MPRIP: variants seen among roughly 807,000 people sequenced by gnomAD.
MPRIP encodes myosin phosphatase Rho-interacting protein.
A neutral mutation model predicts 234.9 loss-of-function variants in MPRIP; 59 were observed. The observed-to-expected ratio is 0.25, with a 90% confidence interval of 0.20 to 0.31. The LOEUF (loss-of-function observed/expected upper bound fraction) is 0.31, where lower values mean the gene tolerates loss of function less well. Among genes scored for constraint, MPRIP ranks in the 10% least tolerant of loss-of-function variants. The pLI, the probability that MPRIP is intolerant of heterozygous loss-of-function variation, is 1.00. For missense variants in MPRIP, 2,436 were observed against 3,071.0 expected, an observed-to-expected ratio of 0.79 and a Z score of 4.89; for synonymous variants, 1,144 against 1,263.9, an observed-to-expected ratio of 0.91 and a Z score of 2.01.
At chr17:17,130,457 C>T (rs1219167334) in intron 4 of MPRIP, among the ~76,000 whole-genome samples, 2 of 151,174 alleles carry the variant, frequency 1.3e-5, no homozygotes, top group African/African-American at 4.9e-5. Flanking sequence ...CCTCTCCTCT[C>T]CACCTCAAAT....
At position 17,164,200 on chromosome 17, in the gene MPRIP, G is replaced by T. The variant is rs963440776; in HGVS notation, c.2609G>T (p.Arg870Leu). ...LQSELEAQCQ[R>L]QELITHQIQT... Reference sequence around the variant, plus strand: ...AGTGAGCTTGAAGCCCAGTGCCAGCGCCAGGAGCTGATTACACACCAGATT... The same window carrying T: ...AGTGAGCTTGAAGCCCAGTGCCAGCTCCAGGAGCTGATTACACACCAGATT... The change falls in exon 16 of 24, where the codon CGC becomes CTC. Residue 870 changes from arginine (R) to leucine (L), a missense_variant. Arg to Leu is a moderately radical substitution (Grantham distance 102). Coordinates refer to ENST00000651222, the MANE Select transcript of MPRIP (RefSeq NM_001364716.4). 1.5e-6 allele frequency: 2 copies of T among 1,304,240 alleles called. No homozygotes were observed. Among genetic ancestry groups the T allele is most frequent in the African/African-American group, 1.5e-5 (1 of 65,860 alleles). 80.8% of individuals were successfully genotyped at this position (1,304,240 alleles called of 1,614,324 possible).
At chr17:17,065,045 A>G (rs988139404) in intron 1 of MPRIP, among the ~76,000 whole-genome samples, 1 of 152,170 alleles carries the variant, frequency 6.6e-6, no homozygotes, top group African/African-American at 2.4e-5. Context: ...AGATGTTCAT[A>G]AATAGCATGA....
intron 3 of MPRIP, among the ~76,000 whole-genome samples, chr17:17,108,109 C>T (rs1462001934): frequency 6.6e-6 from 1 of 152,354 alleles, no homozygotes; most frequent in African/African-American, 2.4e-5. Context: ...TGCCTTGTCC[C>T]TCAGGCTGCC....
intron 12 of MPRIP, among the ~76,000 whole-genome samples, chr17:17,153,889 C>T (rs780793822): frequency 2.6e-5 from 4 of 152,150 alleles, no homozygotes; most frequent in Non-Finnish European, 4.4e-5. Context: ...CCACTCCCCA[C>T]GCCCAACACA....
intron 19 of MPRIP, 108 bp downstream of exon 19, chr17:17,174,183 A>G (rs1344759719): frequency 1.5e-6 from 2 of 1,320,922 alleles, no homozygotes; most frequent in African/African-American, 2.9e-5. Flanking sequence ...CTCACCCTCA[A>G]AGTGGCATGA....
At chr17:17,145,928 A>G (rs973323933) in intron 9 of MPRIP, 108 bp from the exon 10 acceptor site, 7 of 1,080,242 alleles carry the variant, frequency 6.5e-6, no homozygotes, top group Non-Finnish European at 9.6e-6. Context: ...AGGTGGAGAA[A>G]CCCCTTTCCT....
chr17:17,150,668 C>T (rs1296824137), intron 12 of MPRIP, among the ~76,000 whole-genome samples: 1 of 143,464 alleles, frequency 7.0e-6, no homozygotes, highest in Non-Finnish European at 1.5e-5. Context: ...TTGTGAGGTA[C>T]TCAGATGAGC....
In MPRIP at chr17:17,164,566, G is replaced by A. The variant is rs964960230; in HGVS notation, c.2975G>A (p.Arg992Lys). 1 of 1,210,304 alleles carries A rather than the reference G, an allele frequency of 8.3e-7. No homozygotes were observed. Among genetic ancestry groups the A allele is most frequent in the Admixed American group, 3.6e-5 (1 of 27,930 alleles). 75.0% of individuals were successfully genotyped at this position (1,210,304 alleles called of 1,614,324 possible). Residue 992 changes from arginine (R) to lysine (K), a missense_variant, in exon 16 of 24, where the codon AGG becomes AAG. Arg to Lys is a conservative substitution (Grantham distance 26). Transcript: ENST00000651222. ...LQRDRQKEVQ[R>K]LQERIADLSQ... Reference sequence around the variant, plus strand: ...CGGGACCGGCAGAAGGAGGTCCAGAGGCTGCAGGAGCGCATTGCCGACCTC... The same window carrying A: ...CGGGACCGGCAGAAGGAGGTCCAGAAGCTGCAGGAGCGCATTGCCGACCTC...
chr17:17,185,211 C>A lies in MPRIP; in HGVS notation c.*317C>A. The A allele has an allele frequency of 2.9e-6, 1 of 341,396 alleles. No individual in the cohort carries two copies. The allele number at this position is 341,396 out of a possible 1,614,324, so 21.1% of individuals were successfully genotyped here. On this transcript the variant is annotated 3_prime_UTR_variant, in exon 24 of 24. Coordinates refer to ENST00000651222, the MANE Select transcript of MPRIP (RefSeq NM_001364716.4). ...GCCACACTCACTGTCAGTATTAAGG[C>A]CCAGCAGCCTGTTGATAAGCTACCC... is the stretch of plus-strand genomic sequence containing the variant.
intron 1 of MPRIP, among the ~76,000 whole-genome samples, chr17:17,056,909 G>A (rs113016820): frequency 4.6e-5 from 7 of 152,276 alleles, no homozygotes; most frequent in East Asian, 1.9e-4. Flanking sequence ...TCTTGCACTT[G>A]GCCTAATGCT....
chr17:17,066,825 T>A (rs985193596), intron 1 of MPRIP, among the ~76,000 whole-genome samples: 5 of 137,326 alleles, frequency 3.6e-5, no homozygotes, highest in African/African-American at 1.1e-4. Flanking sequence ...GGTAAAAGCA[T>A]AGCTCACTGC....
At chr17:17,056,292 A>C (rs755948202) in intron 1 of MPRIP, among the ~76,000 whole-genome samples, 5 of 152,208 alleles carry the variant, frequency 3.3e-5, no homozygotes, top group Non-Finnish European at 7.3e-5. Flanking sequence ...ACGTTGCCCC[A>C]GAAATTTGTC....
chr17:17,068,122 T>C (rs1243952466), intron 1 of MPRIP, among the ~76,000 whole-genome samples: 2 of 152,072 alleles, frequency 1.3e-5, no homozygotes, highest in African/African-American at 4.8e-5. Flanking sequence ...TTTTTTTCTT[T>C]TTTGGTCTTG....
In MPRIP at chr17:17,191,482, C is replaced by T. The variant is rs1356071965; in HGVS notation, c.*6588C>T. 1 of 152,318 alleles carries T rather than the reference C, an allele frequency of 6.6e-6. No homozygotes were observed. The highest frequency in any genetic ancestry group is 2.4e-5 in the African/African-American group (1 of 41,566). The allele number at this position is 152,318 out of a possible 1,614,324, so 9.4% of individuals were successfully genotyped here. A position where few individuals can be genotyped will look rare whatever the true frequency, so the allele number is the denominator to read the frequency against. ...TGTTTTTTACAGCACCTATTTTTGT[C>T]AGATTGGTAAGGAAACACTGAGTCA... is the stretch of plus-strand genomic sequence containing the variant. On this transcript the variant is annotated 3_prime_UTR_variant, in exon 24 of 24. Transcript: ENST00000651222.
At chr17:17,172,924 C>T (rs945027305) in intron 18 of MPRIP, 109 bp downstream of exon 18, 5 of 929,568 alleles carry the variant, frequency 5.4e-6, no homozygotes, top group Non-Finnish European at 8.2e-6. Flanking sequence ...AGAAGTGGGG[C>T]CTGGGGCCCC....
intron 15 of MPRIP, 109 bp from the exon 16 acceptor site, chr17:17,164,000 A>G: frequency 1.5e-6 from 1 of 689,398 alleles, no homozygotes; most frequent in Non-Finnish European, 2.2e-6. Context: ...CAAAGGATAA[A>G]AGCCAAAGCC....
At chr17:17,109,129 G>C (rs2090119647) in intron 3 of MPRIP, among the ~76,000 whole-genome samples, 1 of 152,200 alleles carries the variant, frequency 6.6e-6, no homozygotes, top group Non-Finnish European at 1.5e-5. Flanking sequence ...GCCTTGGAAA[G>C]GTCTCAAAAA....
chr17:17,075,188 A>G (rs1005505245), intron 1 of MPRIP, among the ~76,000 whole-genome samples: 7 of 152,122 alleles, frequency 4.6e-5, no homozygotes, highest in Admixed American at 6.5e-5. Flanking sequence ...TCACTTTTCA[A>G]ATGGGAGAGT....
At position 17,177,387 on chromosome 17, in the gene MPRIP, T is replaced by C; in HGVS notation, c.7095T>C (p.Pro2365=). ...CGGAAGCACTGGGGGAGAAGTCCCC[T>C]GACAGTGCCACGGTGTCCGGATATG... is the stretch of plus-strand genomic sequence containing the variant. ...AATEALGEKS[P]DSATVSGYDI... is the part of the protein sequence containing the mutation. The change falls in exon 22 of 24, where the codon CCT becomes CCC. Residue 2365 remains proline, a synonymous_variant. Transcript: ENST00000651222. 1 of 1,613,770 alleles carries C rather than the reference T, an allele frequency of 6.2e-7. No homozygotes were observed. The highest frequency in any genetic ancestry group is 8.5e-7 in the Non-Finnish European group (1 of 1,180,012).
Sources: allele counts gnomAD v4.1 joint callset (sites outside exome capture counted in the v4.1 genomes callset), GRCh38; gene constraint gnomAD v4.1.1; transcripts MANE v1.5; gene names NCBI Gene and HGNC (gene_info 2026-07-23, HGNC 2026-07-21).